Variants in LY86 observed in about 807,000 individuals in gnomAD.
The protein encoded by LY86 is MD-1, RP105-associated.
A neutral mutation model predicts 17.3 loss-of-function variants in LY86; 20 were observed. The ratio of observed to expected loss-of-function variants is 1.15; its 90% CI spans 0.81 to 1.68. The LOEUF (loss-of-function observed/expected upper bound fraction) is 1.68. Among genes scored for constraint, LY86 ranks in the 40% most tolerant of loss-of-function variants. The pLI, the probability that LY86 is intolerant of heterozygous loss-of-function variation, is 0.00. For missense variants in LY86, 200 were observed against 191.9 expected (o/e 1.04, Z -0.25); for synonymous variants, 74 against 70.6 (o/e 1.05, Z -0.24).
chr6:6,626,098 C>T (rs568263513), intron 2 of LY86, among the ~76,000 whole-genome samples, 195 bp from the exon 3 acceptor site: 2 of 152,324 alleles, frequency 1.3e-5, no homozygotes, highest in South Asian at 2.1e-4. Flanking sequence ...ACCTTTCATA[C>T]GCAGGGCCCC....
intron 3 of LY86, among the ~76,000 whole-genome samples, chr6:6,642,565 A>T (rs537161383): frequency 4.0e-4 from 61 of 152,364 alleles, no homozygotes; most frequent in African/African-American, 1.4e-3. Context: ...AGCTACCGTG[A>T]CATTCGCCCT....
intron 1 of LY86, among the ~76,000 whole-genome samples, chr6:6,605,939 G>C (rs1481971770): frequency 1.3e-5 from 2 of 152,116 alleles, no homozygotes; most frequent in African/African-American, 2.4e-5. Context: ...TCACAGTATG[G>C]GTTATAACTC....
At chr6:6,590,863 C>T (rs1403696321) in intron 1 of LY86, among the ~76,000 whole-genome samples, 3 of 151,928 alleles carry the variant, frequency 2.0e-5, no homozygotes, top group Non-Finnish European at 4.4e-5. Context: ...CAGATGGTCA[C>T]TCTAGTCACC....
intron 1 of LY86, among the ~76,000 whole-genome samples, chr6:6,610,272 G>A (rs1296510977): frequency 6.6e-6 from 1 of 152,206 alleles, no homozygotes; most frequent in Non-Finnish European, 1.5e-5. Context: ...AAAGTACACA[G>A]GGCACCTCTG....
At chr6:6,607,954 A>G (rs1761234720) in intron 1 of LY86, among the ~76,000 whole-genome samples, 1 of 152,228 alleles carries the variant, frequency 6.6e-6, no homozygotes, top group South Asian at 2.1e-4. Flanking sequence ...TAAATGGACT[A>G]TATTAACCTG....
intron 1 of LY86, among the ~76,000 whole-genome samples, chr6:6,607,004 C>T (rs539564125): frequency 6.6e-6 from 1 of 152,256 alleles, no homozygotes; most frequent in Admixed American, 6.5e-5. Flanking sequence ...CGCTTAGAAG[C>T]AAGTCACTGG....
At chr6:6,604,736 G>A (rs1761041850) in intron 1 of LY86, among the ~76,000 whole-genome samples, 1 of 151,912 alleles carries the variant, frequency 6.6e-6, no homozygotes, top group Non-Finnish European at 1.5e-5. Context: ...CTCTCCACCA[G>A]GCTACCCACA....
chr6:6,597,541 CCT>C (rs1760752219), intron 1 of LY86, among the ~76,000 whole-genome samples: 1 of 152,184 alleles, frequency 6.6e-6, no homozygotes, highest in Admixed American at 6.5e-5. Flanking sequence ...ATCTGAGGCC[CCT>C]GATCCATTAG....
intron 3 of LY86, among the ~76,000 whole-genome samples, chr6:6,645,684 G>T (rs1762097628): frequency 6.6e-6 from 1 of 151,894 alleles, no homozygotes; most frequent in African/African-American, 2.4e-5. Context: ...TGGCACACCA[G>T]TCCTTGTTCT....
chr6:6,611,823 T>C (rs1026075430), intron 1 of LY86, among the ~76,000 whole-genome samples: 1 of 152,152 alleles, frequency 6.6e-6, no homozygotes, highest in Non-Finnish European at 1.5e-5. Context: ...ACCGATAAAA[T>C]AGCAGGGCTT....
At position 6,636,261 on chromosome 6, in the gene LY86, C is replaced by T. The variant is rs560377500; in HGVS notation, c.352+9840C>T. Reference sequence around the variant, plus strand: ...CTGCCACTTACCATTTATGTGAACTCAGACAAGTAACTTAATCTCTCTGAG... The same window carrying T: ...CTGCCACTTACCATTTATGTGAACTTAGACAAGTAACTTAATCTCTCTGAG... On this transcript the variant is annotated intron_variant, in intron 3 of 4. Transcript: ENST00000230568. Among the ~76,000 whole-genome samples the T allele has an allele frequency of 3.0e-4, 45 of 152,344 alleles. 1 individual carries two copies. The highest frequency in any genetic ancestry group is 1.1e-3 in the African/African-American group (44 of 41,580).
chr6:6,612,542 G>GT (rs1761407357), intron 1 of LY86, among the ~76,000 whole-genome samples: 2 of 152,150 alleles, frequency 1.3e-5, no homozygotes, highest in Non-Finnish European at 2.9e-5. Flanking sequence ...CCACACAAAA[G>GT]CAACGAAACA....
chr6:6,618,957 A>C (rs1043249902), intron 1 of LY86, among the ~76,000 whole-genome samples: 5 of 152,208 alleles, frequency 3.3e-5, no homozygotes, highest in Non-Finnish European at 7.3e-5. Context: ...GAGGAGGAGG[A>C]GGGAACACAG....
intron 1 of LY86, among the ~76,000 whole-genome samples, chr6:6,614,216 C>A (rs986177093): frequency 1.3e-5 from 2 of 152,168 alleles, no homozygotes; most frequent in African/African-American, 4.8e-5. Flanking sequence ...TTCACAGCCG[C>A]AGAAGAACCA....
intron 2 of LY86, 25 bp from the exon 3 acceptor site, chr6:6,626,268 A>T: frequency 6.2e-7 from 1 of 1,612,424 alleles, no homozygotes; most frequent in Non-Finnish European, 8.5e-7. Context: ...CAGTAAGAGT[A>T]AAGCTGTTCT....
At chr6:6,613,839 C>T (rs528955011) in intron 1 of LY86, among the ~76,000 whole-genome samples, 4 of 152,306 alleles carry the variant, frequency 2.6e-5, no homozygotes, top group South Asian at 2.1e-4. Flanking sequence ...ATGGTTTATC[C>T]GCCTTCCTTC....
At chr6:6,627,802 A>ATG (rs1761819079) in intron 3 of LY86, among the ~76,000 whole-genome samples, 1 of 152,168 alleles carries the variant, frequency 6.6e-6, no homozygotes, top group African/African-American at 2.4e-5. Context: ...AACTTCATAA[A>ATG]TGTGTAACTG....
At chr6:6,605,817 G>A (rs111866059) in intron 1 of LY86, among the ~76,000 whole-genome samples, 2,082 of 150,990 alleles carry the variant, frequency 0.014, 48 homozygotes, top group African/African-American at 0.048. Context: ...TCGTGGTCTC[G>A]CTGGCTGACT....
intron 3 of LY86, among the ~76,000 whole-genome samples, chr6:6,634,061 G>T (rs1386270519): frequency 6.6e-6 from 1 of 152,178 alleles, no homozygotes; most frequent in Non-Finnish European, 1.5e-5. Context: ...GGATCCGAGA[G>T]AGGTGCAGAA....
Sources: allele counts gnomAD v4.1 joint callset (sites outside exome capture counted in the v4.1 genomes callset), GRCh38; gene constraint gnomAD v4.1.1; transcripts MANE v1.5; gene names NCBI Gene and HGNC (gene_info 2026-07-23, HGNC 2026-07-21).